Variants in CNKSR3 observed in about 807,000 individuals in gnomAD.
The protein encoded by CNKSR3 is CNKSR family member 3.
A neutral mutation model predicts 67.7 loss-of-function variants in CNKSR3; 36 were observed. The observed-to-expected ratio is 0.53, with a 90% CI of 0.41 to 0.70. The LOEUF (loss-of-function observed/expected upper bound fraction) is 0.70. CNKSR3 is among the 30% of genes least tolerant of loss of function. CNKSR3 has a pLI of 0.00. For missense variants in CNKSR3, 630 were observed against 695.2 expected (o/e 0.91, Z 1.05); for synonymous variants, 281 against 271.4 (o/e 1.04, Z -0.35).
At chr6:154,457,485 C>T (rs1413590474) in intron 1 of CNKSR3, among the ~76,000 whole-genome samples, 1 of 152,092 alleles carries the variant, frequency 6.6e-6, no homozygotes, top group Non-Finnish European at 1.5e-5. Flanking sequence ...TTTGGGAGGC[C>T]AAGGTGGGTG....
intron 1 of CNKSR3, among the ~76,000 whole-genome samples, chr6:154,499,766 G>A (rs530664970): frequency 4.6e-5 from 7 of 151,970 alleles, no homozygotes; most frequent in Admixed American, 1.3e-4. Flanking sequence ...CACTATGCCC[G>A]GCCTGTCCAT....
chr6:154,412,999 A>T (rs1784940259), intron 10 of CNKSR3, among the ~76,000 whole-genome samples: 1 of 152,204 alleles, frequency 6.6e-6, no homozygotes, highest in South Asian at 2.1e-4. Context: ...TTTTATCAAC[A>T]TATATAAATA....
rs1489126839 is a variant in CNKSR3 at position 154,393,423 on chromosome 6, T to A, written c.*12931A>T. On this transcript the variant is annotated 3_prime_UTR_variant, in exon 13 of 13. Coordinates refer to ENST00000607772, the MANE Select transcript of CNKSR3 (RefSeq NM_173515.4). ...TCTCCCTGTGATTTTGACTTCACTT[T>A]CCCTGCTCGCTAGTGAAAATCGCTT... is the stretch of plus-strand genomic sequence containing the variant. 1 of 152,234 alleles carries A rather than the reference T, an allele frequency of 6.6e-6. No individual in the cohort carries two copies. The highest frequency in any genetic ancestry group is 1.9e-4 in the East Asian group (1 of 5,204). 9.4% of individuals were successfully genotyped at this position (152,234 alleles called of 1,614,324 possible). A position where few individuals can be genotyped will look rare whatever the true frequency, so the allele number is the denominator to read the frequency against.
intron 1 of CNKSR3, among the ~76,000 whole-genome samples, 162 bp downstream of exon 1, chr6:154,509,897 CGAGA>C (rs1450773471): frequency 6.6e-6 from 1 of 152,170 alleles, no homozygotes; most frequent in African/African-American, 2.4e-5. Context: ...GGAGCAGGTA[CGAGA>C]GATAGGAGCG....
chr6:154,505,327 C>A (rs1787076292), intron 1 of CNKSR3, among the ~76,000 whole-genome samples: 1 of 149,614 alleles, frequency 6.7e-6, no homozygotes. Flanking sequence ...AAGAGCAAGT[C>A]CCGTGGCTTA....
At chr6:154,453,177 A>T (rs1785874827) in intron 1 of CNKSR3, among the ~76,000 whole-genome samples, 1 of 152,246 alleles carries the variant, frequency 6.6e-6, no homozygotes, top group South Asian at 2.1e-4. Context: ...GTGAAAAAGT[A>T]TATTGGATGT....
intron 1 of CNKSR3, among the ~76,000 whole-genome samples, chr6:154,455,449 C>T (rs1240962992): frequency 6.6e-6 from 1 of 151,940 alleles, no homozygotes. Flanking sequence ...ATTAATATCA[C>T]ACCAATGCAC....
intron 2 of CNKSR3, among the ~76,000 whole-genome samples, chr6:154,448,455 A>G (rs1785755296): frequency 6.6e-6 from 1 of 151,898 alleles, no homozygotes; most frequent in Admixed American, 6.6e-5. Context: ...AAAAAAGAAA[A>G]TACAGTTTCG....
At chr6:154,487,191 A>G (rs1432030965) in intron 1 of CNKSR3, among the ~76,000 whole-genome samples, 1 of 152,260 alleles carries the variant, frequency 6.6e-6, no homozygotes, top group Non-Finnish European at 1.5e-5. Context: ...ACTATTTATA[A>G]AAGGCAGAGT....
chr6:154,437,641 C>T (rs1785499884), intron 4 of CNKSR3, among the ~76,000 whole-genome samples: 1 of 152,054 alleles, frequency 6.6e-6, no homozygotes, highest in Non-Finnish European at 1.5e-5. Context: ...GTCTCGAACT[C>T]CTGACCTCAG....
At chr6:154,487,258 C>T (rs62432721) in intron 1 of CNKSR3, among the ~76,000 whole-genome samples, 15 of 151,912 alleles carry the variant, frequency 9.9e-5, no homozygotes, top group African/African-American at 3.6e-4. Context: ...TTTTTTTTTC[C>T]AGGATATGCC....
intron 9 of CNKSR3, among the ~76,000 whole-genome samples, chr6:154,418,412 C>A (rs1455217703): frequency 6.6e-6 from 1 of 152,180 alleles, no homozygotes; most frequent in African/African-American, 2.4e-5. Context: ...CGATGGTGGT[C>A]TATCTATGTT....
At chr6:154,467,646 A>G (rs931094247) in intron 1 of CNKSR3, among the ~76,000 whole-genome samples, 1 of 152,254 alleles carries the variant, frequency 6.6e-6, no homozygotes, top group African/African-American at 2.4e-5. Flanking sequence ...TTCTATTGAA[A>G]AATAAGTATT....
At chr6:154,433,828 A>G (rs1785418124) in intron 4 of CNKSR3, 1 of 206,504 alleles carries the variant, frequency 4.8e-6, no homozygotes, top group African/African-American at 2.3e-5. Context: ...TCCAGAGAGT[A>G]GTAAGTCAGA....
chr6:154,449,899 C>T (rs1176073920), intron 2 of CNKSR3, among the ~76,000 whole-genome samples, 196 bp downstream of exon 2: 1 of 151,740 alleles, frequency 6.6e-6, no homozygotes, highest in East Asian at 1.9e-4. Flanking sequence ...AGATTTAACT[C>T]GCAGGCCATA....
In CNKSR3 at chr6:154,424,490, C is replaced by A. The variant is rs573160910; in HGVS notation, c.730-1507G>T. 5.9e-5 allele frequency among the ~76,000 whole-genome samples: 9 copies of A among 152,214 alleles called. No homozygotes were observed. The East Asian group carries it at 1.7e-3, about 29-fold the overall frequency. On this transcript the variant is annotated intron_variant, in intron 7 of 12. Coordinates refer to ENST00000607772, the MANE Select transcript of CNKSR3 (RefSeq NM_173515.4). ...AAATCTTCAAACAATTTCCAAATATCCAAAAAATAGCACCTTTGAACACAG... is the reference window on the plus strand; with the variant it reads ...AAATCTTCAAACAATTTCCAAATATACAAAAAATAGCACCTTTGAACACAG...
intron 1 of CNKSR3, among the ~76,000 whole-genome samples, chr6:154,477,163 C>G (rs1278905957): frequency 6.6e-6 from 1 of 151,536 alleles, no homozygotes; most frequent in African/African-American, 2.4e-5. Context: ...CAAAGCATTT[C>G]AAAAAAAGAC....
chr6:154,497,376 G>A (rs944765227), intron 1 of CNKSR3, among the ~76,000 whole-genome samples: 6 of 152,054 alleles, frequency 3.9e-5, no homozygotes, highest in African/African-American at 1.4e-4. Flanking sequence ...GGGTGACAGA[G>A]GAAGACCCTG....
rs1412656270 is a variant in CNKSR3, at chr6:154,392,137, G to C, written c.*14217C>G. 6.6e-6 allele frequency: 1 copy of C among 151,864 alleles called. No homozygotes were observed. The highest frequency in any genetic ancestry group is 1.5e-5 in the Non-Finnish European group (1 of 68,070). The allele number at this position is 151,864 out of a possible 1,614,324, so 9.4% of individuals were successfully genotyped here. On this transcript the variant is annotated 3_prime_UTR_variant, in exon 13 of 13. Transcript: ENST00000607772. The stretch of plus-strand genomic sequence containing the variant: ...AGGCAGGAGAATCGCTCGAACCTGG[G>C]AGGTGGAGGTTGCAGTGAGCCGAGA...
Sources: allele counts gnomAD v4.1 joint callset (sites outside exome capture counted in the v4.1 genomes callset), GRCh38; gene constraint gnomAD v4.1.1; transcripts MANE v1.5; gene names NCBI Gene and HGNC (gene_info 2026-07-23, HGNC 2026-07-21).